Variants in SRD5A1 observed in about 807,000 individuals in gnomAD.
SRD5A1 encodes 3-oxo-5-alpha-steroid 4-dehydrogenase 1.
SRD5A1 carries 22 observed loss-of-function variants against 28.2 expected under a neutral mutation model. The observed-to-expected ratio is 0.78, with a 90% CI of 0.56 to 1.12. SRD5A1 has a LOEUF of 1.12. Ranked by LOEUF, SRD5A1 falls within the 50% of genes most tolerant of loss-of-function variation. The pLI is 0.00. For missense variants in SRD5A1, 300 were observed against 346.7 expected (o/e 0.87, Z 1.07); for synonymous variants, 151 against 135.0 (o/e 1.12, Z -0.82).
intron 4 of SRD5A1, among the ~76,000 whole-genome samples, chr5:6,667,002 T>A (rs1739204122): frequency 6.6e-6 from 1 of 152,234 alleles, no homozygotes; most frequent in Non-Finnish European, 1.5e-5. Flanking sequence ...CCAGTGCCGC[T>A]GGCCCATGGG....
rs947669874 is a variant in SRD5A1, at chr5:6,666,302, C to T, written c.714-1900C>T. ...AGCTGGGACTACAGGTGCCCGCCAC[C>T]ATGCCCGGCTAATTTTTTTGTATTT... On this transcript the variant is annotated intron_variant, in intron 4 of 4. Coordinates refer to ENST00000274192, the MANE Select transcript of SRD5A1 (RefSeq NM_001047.4). Among the ~76,000 whole-genome samples the T allele has an allele frequency of 1.2e-4, 18 of 152,190 alleles. No individual in the cohort carries two copies. The South Asian group carries it at 1.2e-3, about 11-fold the overall frequency.
intron 1 of SRD5A1, among the ~76,000 whole-genome samples, chr5:6,635,480 C>G (rs1738156376): frequency 6.6e-6 from 1 of 152,216 alleles, no homozygotes. Context: ...TCCCATCAGT[C>G]ATGACCCTGG....
intron 1 of SRD5A1, among the ~76,000 whole-genome samples, chr5:6,641,008 G>A (rs879493379): frequency 5.3e-5 from 8 of 152,164 alleles, no homozygotes; most frequent in East Asian, 1.9e-4. Flanking sequence ...TTTTGGGTGC[G>A]AATGGGATGG....
At chr5:6,644,590 G>C (rs1473903107) in intron 1 of SRD5A1, among the ~76,000 whole-genome samples, 1 of 152,076 alleles carries the variant, frequency 6.6e-6, no homozygotes, top group Non-Finnish European at 1.5e-5. Flanking sequence ...TCTCAGCTTG[G>C]TACACTGAGG....
In SRD5A1 at chr5:6,656,168, A is replaced by G. The variant is rs1738828227; in HGVS notation, c.551A>G (p.Lys184Arg). ...AGAAAACCAGGAGATACTGGATACA[A>G]AATACCAAGGGGTACGTACAGAAAG... ...NLRKPGDTGY[K>R]IPRGGLFEYV... Residue 184 changes from lysine to arginine, a missense_variant, in exon 3 of 5, where the codon AAA (lysine) becomes AGA (arginine). Around this residue, in one of 2 missense-constraint regions of SRD5A1, gnomAD observed 126 missense variants for 185.7 expected, o/e 0.68. Coordinates refer to ENST00000274192, the MANE Select transcript of SRD5A1 (RefSeq NM_001047.4). The G allele has an allele frequency of 1.2e-6, 2 of 1,613,120 alleles. No homozygotes were observed.
At chr5:6,666,182 C>G (rs1579417759) in intron 4 of SRD5A1, among the ~76,000 whole-genome samples, 2 of 152,062 alleles carry the variant, frequency 1.3e-5, no homozygotes, top group South Asian at 2.1e-4. Context: ...CAGTCTCGCT[C>G]TGTCGCCCAG....
intron 4 of SRD5A1, among the ~76,000 whole-genome samples, chr5:6,665,658 C>G (rs1321799111): frequency 6.6e-6 from 1 of 151,930 alleles, no homozygotes; most frequent in African/African-American, 2.4e-5. Context: ...TGGCTCATTT[C>G]TCATTAAAAG....
intron 1 of SRD5A1, among the ~76,000 whole-genome samples, chr5:6,636,355 T>G (rs1738185703): frequency 6.6e-6 from 1 of 151,964 alleles, no homozygotes; most frequent in Admixed American, 6.6e-5. Context: ...CCACACCCGG[T>G]GAGAGGAGGC....
At chr5:6,667,563 A>G (rs1229988360) in intron 4 of SRD5A1, among the ~76,000 whole-genome samples, 2 of 152,172 alleles carry the variant, frequency 1.3e-5, no homozygotes, top group African/African-American at 4.8e-5. Context: ...TACTCCATGC[A>G]CTTAGTTGCC....
chr5:6,649,225 G>A (rs1303836726), intron 1 of SRD5A1, among the ~76,000 whole-genome samples: 1 of 152,194 alleles, frequency 6.6e-6, no homozygotes, highest in East Asian at 1.9e-4. Flanking sequence ...TGAGGAGGTT[G>A]TCCCTTATCA....
At chr5:6,662,713 C>A in intron 3 of SRD5A1, 103 bp from the exon 4 acceptor site, 1 of 1,272,202 alleles carries the variant, frequency 7.9e-7, no homozygotes, top group South Asian at 1.3e-5. Flanking sequence ...AATATTTTTC[C>A]GTTCTTGAAT....
intron 1 of SRD5A1, among the ~76,000 whole-genome samples, chr5:6,639,060 G>A (rs1046599165): frequency 1.3e-5 from 2 of 152,156 alleles, no homozygotes; most frequent in East Asian, 1.9e-4. Flanking sequence ...GAAAGATGAC[G>A]TCCAGACGCT....
rs766464096 is a variant in SRD5A1, at chr5:6,652,006, T to C, written c.458T>C (p.Ile153Thr). Reference sequence around the variant, plus strand: ...TGGGTAACAGATCCCCGTTTTCTAATAGGTGAGTGTCCACAGCAGTGAACT... The same window carrying C: ...TGGGTAACAGATCCCCGTTTTCTAACAGGTGAGTGTCCACAGCAGTGAACT... ...DDWVTDPRFL[I>T]GFGLWLTGML... The change falls in exon 2 of 5, where the codon ATA becomes ACA. Residue 153 changes from isoleucine to threonine, a missense_variant and splice_region_variant. By Grantham distance (89) the Ile-to-Thr change is moderately conservative. Around this residue, in one of 2 missense-constraint regions of SRD5A1, gnomAD observed 126 missense variants for 185.7 expected, o/e 0.68. Transcript: ENST00000274192. The C allele has an allele frequency of 4.3e-6, 7 of 1,612,606 alleles. No individual in the cohort carries two copies. Among genetic ancestry groups the C allele is most frequent in the African/African-American group, 2.7e-5 (2 of 74,906 alleles).
chr5:6,653,810 AC>A (rs944876412), intron 2 of SRD5A1, among the ~76,000 whole-genome samples: 1 of 152,050 alleles, frequency 6.6e-6, no homozygotes, highest in African/African-American at 2.4e-5. Context: ...CGTAGAGGTG[AC>A]TGTGAAGCTG....
intron 1 of SRD5A1, among the ~76,000 whole-genome samples, chr5:6,644,558 T>C (rs1738452684): frequency 1.3e-5 from 2 of 152,138 alleles, no homozygotes; most frequent in South Asian, 4.1e-4. Context: ...ACTTCAGAAG[T>C]GGGCTGCTTG....
intron 1 of SRD5A1, among the ~76,000 whole-genome samples, chr5:6,650,757 G>A (rs1272265106): frequency 1.3e-5 from 2 of 149,516 alleles, no homozygotes; most frequent in Non-Finnish European, 3.0e-5. Flanking sequence ...TCGTCATCTA[G>A]CATTAGGTAT....
chr5:6,658,328 A>G (rs1347596683), intron 3 of SRD5A1, among the ~76,000 whole-genome samples: 1 of 152,196 alleles, frequency 6.6e-6, no homozygotes, highest in Admixed American at 6.5e-5. Flanking sequence ...CTGTCTAAAA[A>G]AAATAAAAAA....
chr5:6,651,306 A>T (rs1246580341), intron 1 of SRD5A1, among the ~76,000 whole-genome samples: 1 of 152,210 alleles, frequency 6.6e-6, no homozygotes, highest in Admixed American at 6.5e-5. Context: ...TGTAAGTAGA[A>T]TCTGGAGTTT....
At chr5:6,666,199 G>A (rs928861089) in intron 4 of SRD5A1, among the ~76,000 whole-genome samples, 1 of 151,920 alleles carries the variant, frequency 6.6e-6, no homozygotes, top group African/African-American at 2.4e-5. Flanking sequence ...CCAGGCTGGA[G>A]TGCAGTGGCG....
Sources: gnomAD v4.1 joint callset for allele counts (sites outside exome capture counted in the v4.1 genomes callset) on GRCh38, gnomAD v4.1.1 for gene constraint, gnomAD v4.1.1 regional missense constraint, MANE v1.5 for transcripts, NCBI Gene and HGNC (gene_info 2026-07-23, HGNC 2026-07-21) for gene names.